Variants in SGSM3 observed in about 807,000 individuals in gnomAD.
SGSM3 encodes small G protein signaling modulator 3.
A neutral mutation model predicts 100.5 loss-of-function variants in SGSM3; 96 were observed. The observed-to-expected ratio is 0.96, with a 90% CI of 0.81 to 1.13. The LOEUF is 1.13. Among genes scored for constraint, SGSM3 ranks in the 50% most tolerant of loss-of-function variants. The pLI, the probability that SGSM3 is intolerant of heterozygous loss-of-function variation, is 0.00. For synonymous variants in SGSM3, 483 were observed against 422.8 expected, an observed-to-expected ratio of 1.14 and a Z score of -1.75; for missense variants, 1,001 against 1,015.8, an observed-to-expected ratio of 0.99 and a Z score of 0.20.
chr22:40,408,556 C>T lies in SGSM3; in HGVS notation c.1783-71C>T, dbSNP rs2052017466. On this transcript the variant is annotated intron_variant, in intron 16 of 21. Coordinates refer to ENST00000248929, the MANE Select transcript of SGSM3 (RefSeq NM_015705.6). ...GAGCTGGCAGCGTGGTGACAGGTGC[C>T]CAGTCGGCCCCAAGGGCTTTGAACC... 7 of 1,596,394 alleles carry T rather than the reference C, an allele frequency of 4.4e-6. No individual in the cohort carries two copies. In the South Asian group the frequency reaches 7.7e-5, roughly 18 times the overall value.
rs752538688 is a variant in SGSM3, at chr22:40,405,362, C to T, written c.618+78C>T. ...CCTAACAAGGAGTGGCCTCCCGCTACGGGGCAGTAGCCCCAGGGCCTCCTC... is the reference window on the plus strand; with the variant it reads ...CCTAACAAGGAGTGGCCTCCCGCTATGGGGCAGTAGCCCCAGGGCCTCCTC... On this transcript the variant is annotated intron_variant, in intron 7 of 21. Coordinates refer to ENST00000248929, the MANE Select transcript of SGSM3 (RefSeq NM_015705.6). The T allele has an allele frequency of 1.7e-4, 233 of 1,336,304 alleles. 1 individual carries two copies. The highest frequency in any genetic ancestry group is 2.7e-4 in the Middle Eastern group (1 of 3,708). 82.8% of individuals were successfully genotyped at this position (1,336,304 alleles called of 1,614,324 possible). A position where few individuals can be genotyped will look rare whatever the true frequency, so the allele number is the denominator to read the frequency against.
chr22:40,389,904 CAAAAAAAAAAAGAAAAA>C (rs1463331017), intron 1 of SGSM3, among the ~76,000 whole-genome samples: 5 of 58,508 alleles, frequency 8.5e-5, no homozygotes, highest in African/African-American at 3.6e-4. Flanking sequence ...AACTCCGTCT[CAAAAAAAAAAAGAAAAA>C]AAAAAAAAAA....
chr22:40,402,054 A>G (rs1233010768), intron 3 of SGSM3, 85 bp from the exon 4 acceptor site: 3 of 1,045,628 alleles, frequency 2.9e-6, no homozygotes, highest in South Asian at 1.3e-5. Context: ...GGATTTTAGC[A>G]GGCAACCCTG....
chr22:40,397,360 A>G (rs886095444), intron 1 of SGSM3, among the ~76,000 whole-genome samples: 4 of 152,096 alleles, frequency 2.6e-5, no homozygotes, highest in African/African-American at 9.7e-5. Flanking sequence ...TAAGCTCAGG[A>G]ATTCAAGACC....
rs1029493449 is a variant in SGSM3, at chr22:40,408,811, A to G, written c.1871A>G (p.Lys624Arg). ...CKTFRLDEDG[K>R]VLTPEELLYR... ...CCCCTCAGGTTGGATGAAGATGGCA[A>G]AGTCCTGACCCCGGAGGAGCTGCTC... Residue 624 changes from lysine (K) to arginine (R), a missense_variant, in exon 18 of 22, where the codon AAA becomes AGA. Lys to Arg is a conservative substitution (Grantham distance 26). Transcript: ENST00000248929. 2 of 1,613,576 alleles carry G rather than the reference A, an allele frequency of 1.2e-6. No homozygotes were observed. Among genetic ancestry groups the G allele is most frequent in the African/African-American group, 1.3e-5 (1 of 74,878 alleles).
chr22:40,382,927 C>T (rs1016384228), intron 1 of SGSM3, among the ~76,000 whole-genome samples: 1 of 152,194 alleles, frequency 6.6e-6, no homozygotes, highest in South Asian at 2.1e-4. Context: ...AGGCCCAGGC[C>T]TTCTTGCTTC....
intron 1 of SGSM3, among the ~76,000 whole-genome samples, chr22:40,392,411 A>G (rs2146897826): frequency 6.6e-6 from 1 of 152,208 alleles, no homozygotes; most frequent in East Asian, 1.9e-4. Context: ...ATGAGAGAGA[A>G]GGGGATCCTT....
chr22:40,405,133 C>T lies in SGSM3; in HGVS notation c.475-8C>T. 1 of 1,503,052 alleles carries T rather than the reference C, an allele frequency of 6.7e-7. No individual in the cohort carries two copies. The highest frequency in any genetic ancestry group is 8.9e-7 in the Non-Finnish European group (1 of 1,123,778). 93.1% of individuals were successfully genotyped at this position (1,503,052 alleles called of 1,614,324 possible). ...TTGTTATTGTGGGTGCCGATGGCTG[C>T]CTGACAGATCGAGAAGGACCTGCTC... is the stretch of plus-strand genomic sequence containing the variant. On this transcript the variant is annotated splice_polypyrimidine_tract_variant and splice_region_variant and intron_variant, in intron 6 of 21. Transcript: ENST00000248929.
At chr22:40,377,326 T>G (rs1266991292) in intron 1 of SGSM3, among the ~76,000 whole-genome samples, 2 of 152,238 alleles carry the variant, frequency 1.3e-5, no homozygotes, top group Non-Finnish European at 2.9e-5. Context: ...TTGCAGCTCC[T>G]TCATCACAAC....
intron 1 of SGSM3, among the ~76,000 whole-genome samples, chr22:40,390,929 C>T (rs1032630429): frequency 3.3e-5 from 5 of 152,196 alleles, no homozygotes; most frequent in East Asian, 1.9e-4. Context: ...CAGTCAGCCC[C>T]TGCCACATGT....
At chr22:40,402,691 A>C (rs1354070695) in intron 4 of SGSM3, among the ~76,000 whole-genome samples, 4 of 152,220 alleles carry the variant, frequency 2.6e-5, no homozygotes, top group Non-Finnish European at 5.9e-5. Context: ...GTGAGCTGAG[A>C]CTGCGCCACT....
At chr22:40,386,909 C>G (rs1303874015) in intron 1 of SGSM3, among the ~76,000 whole-genome samples, 1 of 152,126 alleles carries the variant, frequency 6.6e-6, no homozygotes, top group African/African-American at 2.4e-5. Flanking sequence ...CCTAATTTAT[C>G]TGTTTAATTT....
intron 4 of SGSM3, 133 bp from the exon 5 acceptor site, chr22:40,404,114 G>A: frequency 1.5e-6 from 1 of 662,840 alleles, no homozygotes; most frequent in Non-Finnish European, 2.4e-6. Flanking sequence ...TTAGCTATGG[G>A]AATCTGGATA....
chr22:40,388,665 CAG>C (rs2048851712), intron 1 of SGSM3, among the ~76,000 whole-genome samples: 1 of 151,998 alleles, frequency 6.6e-6, no homozygotes. Flanking sequence ...AGAGTGGAGG[CAG>C]AGATTCCAGT....
At chr22:40,393,873 C>T (rs1342092186) in intron 1 of SGSM3, among the ~76,000 whole-genome samples, 1 of 152,202 alleles carries the variant, frequency 6.6e-6, no homozygotes, top group African/African-American at 2.4e-5. Flanking sequence ...TTAAAGGTTC[C>T]AGCTCTTAAT....
chr22:40,405,924 GC>G, intron 8 of SGSM3, 80 bp downstream of exon 8: 2 of 1,489,840 alleles, frequency 1.3e-6, no homozygotes, highest in Admixed American at 3.7e-5. Context: ...ATAGGGCACA[GC>G]CCCCCAACCA....
chr22:40,408,523 G>A (rs2052008821), intron 16 of SGSM3, 94 bp downstream of exon 16: 17 of 1,591,914 alleles, frequency 1.1e-5, no homozygotes, highest in Middle Eastern at 3.3e-4. Flanking sequence ...CCACAGAGAG[G>A]ATGGGAAGAG....
intron 21 of SGSM3, 56 bp from the exon 22 acceptor site, chr22:40,409,626 G>A (rs2052307284): frequency 2.5e-6 from 4 of 1,613,432 alleles, no homozygotes; most frequent in Non-Finnish European, 3.4e-6. Context: ...TCAGCGGTTA[G>A]GAACTACCCC....
At chr22:40,378,918 G>A (rs1393313718) in intron 1 of SGSM3, among the ~76,000 whole-genome samples, 1 of 151,662 alleles carries the variant, frequency 6.6e-6, no homozygotes, top group East Asian at 1.9e-4. Context: ...TTATATTCCC[G>A]CTTCACCACC....
Sources: allele counts gnomAD v4.1 joint callset (sites outside exome capture counted in the v4.1 genomes callset), GRCh38; gene constraint gnomAD v4.1.1; transcripts MANE v1.5; gene names NCBI Gene and HGNC (gene_info 2026-07-23, HGNC 2026-07-21).